The following CTNNA3 variants were observed in gnomAD, a reference collection of about 807,000 sequenced individuals.
CTNNA3 encodes the protein catenin alpha-3.
A neutral mutation model predicts 95.7 loss-of-function variants in CTNNA3; 76 were observed. The ratio of observed to expected loss-of-function variants is 0.79; its 90% CI spans 0.66 to 0.96. The LOEUF (loss-of-function observed/expected upper bound fraction) is 0.96, where lower values mean the gene tolerates loss of function less well. Ranked by LOEUF, CTNNA3 falls within the 40% of genes least tolerant of loss-of-function variation. The pLI is 0.00. For synonymous variants in CTNNA3, 431 were observed against 374.4 expected (o/e 1.15, Z -1.74); for missense variants, 1,191 against 1,089.8 (o/e 1.09, Z -1.31).
rs369428915 is a variant in CTNNA3, at chr10:66,117,456, T to C, written c.1885-14207A>G. ...TTTAATCAATTAATATACACACTTA[T>C]TTTCTATTTTAAAAAATGAACTTGA... On this transcript the variant is annotated intron_variant, in intron 13 of 17. Transcript: ENST00000433211. Among the ~76,000 whole-genome samples, 226 of 152,294 alleles carry C rather than the reference T, an allele frequency of 1.5e-3. 1 individual carries two copies. Among genetic ancestry groups the C allele is most frequent in the South Asian group, 0.012 (60 of 4,830 alleles).
intron 13 of CTNNA3, among the ~76,000 whole-genome samples, chr10:66,255,989 C>T (rs2090755251): frequency 6.6e-6 from 1 of 152,132 alleles, no homozygotes; most frequent in African/African-American, 2.4e-5. Context: ...GAAACTCATG[C>T]TCGTAATCCT....
At chr10:67,728,139 T>C (rs1841254621) in intron 1 of CTNNA3, among the ~76,000 whole-genome samples, 1 of 145,474 alleles carries the variant, frequency 6.9e-6, no homozygotes, top group South Asian at 2.1e-4. Context: ...CATATATGTA[T>C]ATATATTATA....
intron 10 of CTNNA3, among the ~76,000 whole-genome samples, chr10:66,595,470 G>A (rs1843684456): frequency 1.3e-5 from 2 of 151,550 alleles, no homozygotes; most frequent in Admixed American, 6.6e-5. Context: ...CAGCCTCCTG[G>A]GTATTACAGG....
chr10:66,128,321 G>T (rs2082920216), intron 13 of CTNNA3, among the ~76,000 whole-genome samples: 1 of 152,026 alleles, frequency 6.6e-6, no homozygotes, highest in Admixed American at 6.6e-5. Context: ...AAATATGCCA[G>T]GTCCACATAA....
intron 11 of CTNNA3, among the ~76,000 whole-genome samples, chr10:66,379,882 T>C (rs1424203765): frequency 6.6e-6 from 1 of 152,192 alleles, no homozygotes; most frequent in Non-Finnish European, 1.5e-5. Context: ...GAAGTTACTA[T>C]AGCACAGTAA....
intron 7 of CTNNA3, among the ~76,000 whole-genome samples, chr10:66,908,331 A>G (rs890633376): frequency 1.3e-5 from 2 of 152,202 alleles, no homozygotes; most frequent in African/African-American, 2.4e-5. Context: ...TTCTTGTAGC[A>G]TACAGGCTGC....
intron 7 of CTNNA3, among the ~76,000 whole-genome samples, chr10:66,820,987 T>C (rs1010163935): frequency 6.6e-6 from 1 of 152,088 alleles, no homozygotes; most frequent in African/African-American, 2.4e-5. Flanking sequence ...ATTAACTTAT[T>C]AGTCAGTCTC....
chr10:67,074,286 C>T (rs1856623113), intron 7 of CTNNA3, among the ~76,000 whole-genome samples: 1 of 150,650 alleles, frequency 6.6e-6, no homozygotes, highest in South Asian at 2.1e-4. Context: ...CGCCTTGGCC[C>T]CCCAAAGTGC....
intron 11 of CTNNA3, among the ~76,000 whole-genome samples, chr10:66,379,788 T>C (rs1228055223): frequency 6.6e-6 from 1 of 152,130 alleles, no homozygotes; most frequent in African/African-American, 2.4e-5. Context: ...ACAAATGAAT[T>C]CCAGAGAAAG....
At chr10:66,361,194 C>T (rs1026583341) in intron 12 of CTNNA3, among the ~76,000 whole-genome samples, 1 of 151,298 alleles carries the variant, frequency 6.6e-6, no homozygotes, top group East Asian at 2.0e-4. Context: ...GTCTCGAACC[C>T]CTGGGCTCAA....
intron 12 of CTNNA3, among the ~76,000 whole-genome samples, chr10:66,377,997 A>G (rs2092808074): frequency 6.6e-6 from 1 of 152,032 alleles, no homozygotes; most frequent in African/African-American, 2.4e-5. Flanking sequence ...TCAAAGAGAT[A>G]GTAAGAAAAT....
At chr10:66,496,206 C>T (rs928641940) in intron 11 of CTNNA3, among the ~76,000 whole-genome samples, 2 of 152,012 alleles carry the variant, frequency 1.3e-5, no homozygotes, top group African/African-American at 4.8e-5. Flanking sequence ...TTAGTATCAC[C>T]ATATCGAACA....
At chr10:66,714,174 A>T (rs1848382117) in intron 9 of CTNNA3, among the ~76,000 whole-genome samples, 1 of 152,146 alleles carries the variant, frequency 6.6e-6, no homozygotes, top group Admixed American at 6.6e-5. Context: ...TATTTACCTC[A>T]AACTTTTCCT....
chr10:67,404,077 T>G (rs1173502761), intron 5 of CTNNA3, among the ~76,000 whole-genome samples: 1 of 152,084 alleles, frequency 6.6e-6, no homozygotes, highest in Non-Finnish European at 1.5e-5. Flanking sequence ...CAAAGGTAGA[T>G]AAGCCAACAA....
chr10:66,818,503 A>G (rs1160520418), intron 7 of CTNNA3, among the ~76,000 whole-genome samples: 2 of 152,020 alleles, frequency 1.3e-5, no homozygotes, highest in African/African-American at 2.4e-5. Context: ...TTAAAATTCC[A>G]CGTACAATGG....
chr10:65,921,492 A>G (rs1448094127), intron 17 of CTNNA3, among the ~76,000 whole-genome samples: 2 of 152,258 alleles, frequency 1.3e-5, no homozygotes, highest in African/African-American at 4.8e-5. Context: ...TCAAAACACT[A>G]GAATGCTTTC....
chr10:67,751,182 A>G (rs879013884), intron 1 of CTNNA3: 1 of 1,268,776 alleles, frequency 7.9e-7, no homozygotes, highest in East Asian at 2.3e-5. Flanking sequence ...GGCCCGTAAC[A>G]TGTTGCAATC....
chr10:66,956,016 G>A (rs1848773661), intron 7 of CTNNA3, among the ~76,000 whole-genome samples: 1 of 152,102 alleles, frequency 6.6e-6, no homozygotes, highest in South Asian at 2.1e-4. Flanking sequence ...GCCTTTAAGG[G>A]AATTCTGCAG....
At position 67,000,657 on chromosome 10, in the gene CTNNA3, A is replaced by G. The variant is rs568396120; in HGVS notation, c.1047+179660T>C. Among the ~76,000 whole-genome samples, 7 of 152,288 alleles carry G rather than the reference A, an allele frequency of 4.6e-5. No homozygotes were observed. In the East Asian group the frequency reaches 1.4e-3, roughly 29 times the overall value. On this transcript the variant is annotated intron_variant, in intron 7 of 17. Transcript: ENST00000433211. ...GCTGCCTCCTATTACAGGAGTCTTT[A>G]CATTCAATTAAACTGAATTAGATAT...
Sources: allele counts gnomAD v4.1 joint callset (sites outside exome capture counted in the v4.1 genomes callset), GRCh38; gene constraint gnomAD v4.1.1; transcripts MANE v1.5; gene names NCBI Gene and HGNC (gene_info 2026-07-23, HGNC 2026-07-21).